The following SHISA6 variants were observed in gnomAD, a reference collection of about 807,000 sequenced individuals.
SHISA6 encodes protein shisa-6.
In SHISA6, 22 loss-of-function variants were observed where a neutral mutation model predicts 47.9. The observed-to-expected ratio is 0.46, with a 90% confidence interval of 0.33 to 0.66. The LOEUF (loss-of-function observed/expected upper bound fraction) is 0.66. Among genes scored for constraint, SHISA6 ranks in the 30% least tolerant of loss-of-function variants. The pLI, the probability that SHISA6 is intolerant of heterozygous loss-of-function variation, is 0.02. For missense variants in SHISA6, 680 were observed against 764.6 expected, an observed-to-expected ratio of 0.89 and a Z score of 1.30; for synonymous variants, 388 against 337.8, an observed-to-expected ratio of 1.15 and a Z score of -1.63.
chr17:11,325,297 G>A (rs575031736), intron 2 of SHISA6, among the ~76,000 whole-genome samples: 16 of 152,356 alleles, frequency 1.1e-4, no homozygotes, highest in African/African-American at 3.4e-4. Flanking sequence ...AAACAGGACA[G>A]TGCCAATACT....
chr17:11,444,620 A>G (rs561940472), intron 3 of SHISA6, among the ~76,000 whole-genome samples: 11 of 152,316 alleles, frequency 7.2e-5, no homozygotes, highest in African/African-American at 2.6e-4. Context: ...TAATAATTTG[A>G]GCCCCAAATC....
chr17:11,249,283 C>CGT lies in SHISA6; in HGVS notation c.638+7237_638+7238dup, dbSNP rs749579629. The stretch of plus-strand genomic sequence containing the variant: ...CAGAGACCTCCCGCCATCCAGTGGC[C>CGT]GTGTGTGTGTGTGTGCGCGTGCGTG... On this transcript the variant is annotated intron_variant, in intron 1 of 5. Transcript: ENST00000441885. Among the ~76,000 whole-genome samples the CGT allele has an allele frequency of 3.6e-3, 538 of 150,842 alleles. 4 individuals carry two copies. Among genetic ancestry groups the CGT allele is most frequent in the Non-Finnish European group, 6.1e-3 (411 of 67,678 alleles).
At chr17:11,256,752 G>A (rs1241612053) in intron 1 of SHISA6, among the ~76,000 whole-genome samples, 3 of 152,162 alleles carry the variant, frequency 2.0e-5, no homozygotes, top group South Asian at 2.1e-4. Flanking sequence ...TGATATTGAC[G>A]CTACCACATT....
At chr17:11,380,234 G>A (rs1239951324) in intron 3 of SHISA6, 2 of 152,294 alleles carry the variant, frequency 1.3e-5, no homozygotes, top group East Asian at 3.9e-4. Context: ...TGCTGTTATA[G>A]ATCAAATGTG....
intron 3 of SHISA6, among the ~76,000 whole-genome samples, chr17:11,393,188 T>G (rs1252012155): frequency 6.6e-6 from 1 of 152,220 alleles, no homozygotes; most frequent in East Asian, 1.9e-4. Context: ...TCCCCTAGTG[T>G]TCCCCACCTT....
At chr17:11,361,630 C>CT (rs1464843049) in intron 2 of SHISA6, among the ~76,000 whole-genome samples, 1 of 152,204 alleles carries the variant, frequency 6.6e-6, no homozygotes, top group African/African-American at 2.4e-5. Context: ...GGCCTTGTGG[C>CT]TGGTTAACAA....
intron 2 of SHISA6, among the ~76,000 whole-genome samples, chr17:11,287,195 G>A (rs1008285089): frequency 2.0e-5 from 3 of 151,226 alleles, no homozygotes; most frequent in African/African-American, 7.3e-5. Flanking sequence ...AGGAATTGGA[G>A]GCTGTAGTGT....
chr17:11,444,342 A>G (rs989329101), intron 3 of SHISA6, among the ~76,000 whole-genome samples: 1 of 152,136 alleles, frequency 6.6e-6, no homozygotes, highest in Non-Finnish European at 1.5e-5. Flanking sequence ...AAAAAGAAAG[A>G]AAGGAAGGAG....
chr17:11,518,051 G>A (rs1175575812), intron 3 of SHISA6, among the ~76,000 whole-genome samples: 2 of 152,026 alleles, frequency 1.3e-5, no homozygotes, highest in African/African-American at 2.4e-5. Context: ...GGTTCTTTGT[G>A]TCTTAGGAAG....
chr17:11,308,518 C>G (rs1292846568), intron 2 of SHISA6, among the ~76,000 whole-genome samples: 2 of 152,144 alleles, frequency 1.3e-5, no homozygotes, highest in Non-Finnish European at 2.9e-5. Flanking sequence ...TCAGACTTCC[C>G]AGTACAATTT....
intron 1 of SHISA6, among the ~76,000 whole-genome samples, chr17:11,257,067 C>G (rs1286565204): frequency 6.6e-6 from 1 of 151,572 alleles, no homozygotes; most frequent in African/African-American, 2.4e-5. Flanking sequence ...TGCAGATGCA[C>G]AGACATTGTT....
chr17:11,284,462 A>G (rs191547824), intron 2 of SHISA6, among the ~76,000 whole-genome samples: 1 of 152,302 alleles, frequency 6.6e-6, no homozygotes, highest in Non-Finnish European at 1.5e-5. Flanking sequence ...GGGCAGTGTC[A>G]GTGACCCTCA....
chr17:11,459,205 C>T (rs1400581429), intron 3 of SHISA6, among the ~76,000 whole-genome samples: 4 of 137,180 alleles, frequency 2.9e-5, no homozygotes, highest in African/African-American at 1.1e-4. Flanking sequence ...GGCGACAGAG[C>T]GAGACTCCAT....
chr17:11,419,622 G>C (rs932051903), intron 3 of SHISA6, among the ~76,000 whole-genome samples: 2 of 152,178 alleles, frequency 1.3e-5, no homozygotes, highest in African/African-American at 2.4e-5. Context: ...GATAGCCAAG[G>C]AATGTCTTAT....
intron 2 of SHISA6, among the ~76,000 whole-genome samples, chr17:11,353,487 C>T (rs1212664085): frequency 6.6e-6 from 1 of 150,994 alleles, no homozygotes; most frequent in Non-Finnish European, 1.5e-5. Context: ...GGCGGGGGGT[C>T]CTCAACCAGT....
At chr17:11,446,969 T>G (rs1597518637) in intron 3 of SHISA6, among the ~76,000 whole-genome samples, 1 of 152,304 alleles carries the variant, frequency 6.6e-6, no homozygotes, top group African/African-American at 2.4e-5. Flanking sequence ...ATTCCTCAAC[T>G]TTTGCCCCAC....
chr17:11,329,428 G>T (rs959861504), intron 2 of SHISA6, among the ~76,000 whole-genome samples: 1 of 152,166 alleles, frequency 6.6e-6, no homozygotes, highest in African/African-American at 2.4e-5. Context: ...GAGACTGTCC[G>T]TGGATAAGCA....
At chr17:11,331,803 C>G (rs1407027669) in intron 2 of SHISA6, among the ~76,000 whole-genome samples, 4 of 151,994 alleles carry the variant, frequency 2.6e-5, no homozygotes, top group Non-Finnish European at 5.9e-5. Context: ...CCCTCTCTTT[C>G]CAGCTGCTTC....
At chr17:11,446,402 C>T (rs1785119636) in intron 3 of SHISA6, among the ~76,000 whole-genome samples, 1 of 152,228 alleles carries the variant, frequency 6.6e-6, no homozygotes, top group Non-Finnish European at 1.5e-5. Flanking sequence ...GCCTTAGGAA[C>T]TACGAAGACA....
Sources: gnomAD v4.1 joint callset for allele counts (sites outside exome capture counted in the v4.1 genomes callset) on GRCh38, gnomAD v4.1.1 for gene constraint, MANE v1.5 for transcripts, NCBI Gene and HGNC (gene_info 2026-07-23, HGNC 2026-07-21) for gene names.